The following DLGAP1 variants were observed in gnomAD, a reference collection of about 807,000 sequenced individuals.
DLGAP1 encodes disks large-associated protein 1.
Under a neutral mutation model 90.8 loss-of-function variants are expected in DLGAP1, and 11 were observed. That is an observed-to-expected ratio of 0.12 (90% CI 0.08 to 0.20). DLGAP1 has a LOEUF of 0.20. DLGAP1 is among the 10% of genes least tolerant of loss of function. DLGAP1 has a pLI of 1.00. For missense variants in DLGAP1, 1,050 were observed against 1,333.8 expected (o/e 0.79, Z 3.31); for synonymous variants, 558 against 540.7 (o/e 1.03, Z -0.44).
intron 3 of DLGAP1, among the ~76,000 whole-genome samples, chr18:3,980,774 G>A (rs1461620391): frequency 1.3e-5 from 2 of 151,806 alleles, no homozygotes; most frequent in Non-Finnish European, 2.9e-5. Context: ...GTATATATTT[G>A]TGGTATACAA....
intron 7 of DLGAP1, among the ~76,000 whole-genome samples, chr18:3,644,301 C>T (rs955069441): frequency 1.3e-5 from 2 of 152,114 alleles, no homozygotes; most frequent in Non-Finnish European, 2.9e-5. Flanking sequence ...TGTAGCAAAA[C>T]GTAACCTCAT....
At chr18:4,245,103 G>A (rs958433554) in intron 1 of DLGAP1, among the ~76,000 whole-genome samples, 20 of 152,150 alleles carry the variant, frequency 1.3e-4, no homozygotes, top group African/African-American at 2.9e-4. Context: ...GGTCTGCTAC[G>A]TTGTTAGCTG....
intron 2 of DLGAP1, among the ~76,000 whole-genome samples, chr18:4,008,232 C>T (rs1275667940): frequency 1.4e-4 from 21 of 151,524 alleles, no homozygotes; most frequent in Non-Finnish European, 7.4e-5. Context: ...TATATACACA[C>T]ACACACACAC....
At chr18:3,672,209 C>CAA (rs2060112386) in intron 7 of DLGAP1, among the ~76,000 whole-genome samples, 1 of 125,274 alleles carries the variant, frequency 8.0e-6, no homozygotes, top group East Asian at 1.9e-4. Context: ...TAGACACACA[C>CAA]ACACACACAC....
intron 7 of DLGAP1, chr18:3,597,864 T>A (rs2056671066): frequency 6.5e-6 from 1 of 153,920 alleles, no homozygotes; most frequent in Non-Finnish European, 1.4e-5. Context: ...CAGGCCCCCC[T>A]GATCTGTGTA....
At chr18:3,617,449 A>T (rs2057913779) in intron 7 of DLGAP1, among the ~76,000 whole-genome samples, 2 of 152,040 alleles carry the variant, frequency 1.3e-5, no homozygotes, top group South Asian at 2.1e-4. Flanking sequence ...AAATATAAAA[A>T]ATTAGCTGGG....
intron 5 of DLGAP1, among the ~76,000 whole-genome samples, chr18:3,792,126 T>C (rs751344786): frequency 1.5e-3 from 226 of 152,258 alleles, no homozygotes; most frequent in Non-Finnish European, 2.8e-3. Context: ...GCTGGCCCTG[T>C]GTACTCACGG....
rs1265468723 is a variant in DLGAP1 at position 3,565,595 on chromosome 18, G to A, written c.2057+1895C>T. 6.6e-6 allele frequency among the ~76,000 whole-genome samples: 1 copy of A among 152,100 alleles called. No individual in the cohort carries two copies. The highest frequency in any genetic ancestry group is 1.5e-5 in the Non-Finnish European group (1 of 68,008). On this transcript the variant is annotated intron_variant, in intron 9 of 12. Transcript: ENST00000315677. This position sits in a 1 kb window ranked among gnomAD's most constrained non-coding sequence, Gnocchi z 4.0. Reference sequence around the variant, plus strand: ...TCACGCCTGTAATCCCAGCACTTTGGGAAGCCAAGGCGGGTGGATCACAAG... The same window carrying A: ...TCACGCCTGTAATCCCAGCACTTTGAGAAGCCAAGGCGGGTGGATCACAAG...
chr18:3,945,713 C>T (rs2072863312), intron 3 of DLGAP1, among the ~76,000 whole-genome samples: 1 of 152,038 alleles, frequency 6.6e-6, no homozygotes, highest in Non-Finnish European at 1.5e-5. Flanking sequence ...AGCACACCAG[C>T]ATGGCACATG....
chr18:4,243,777 G>A (rs2078594532), intron 1 of DLGAP1, among the ~76,000 whole-genome samples: 1 of 152,086 alleles, frequency 6.6e-6, no homozygotes, highest in East Asian at 1.9e-4. Context: ...TTTCAGTCAG[G>A]TGTGTAGTTC....
intron 1 of DLGAP1, among the ~76,000 whole-genome samples, chr18:4,265,687 T>TCC: frequency 8.3e-6 from 1 of 120,066 alleles, no homozygotes; most frequent in Admixed American, 8.9e-5. Context: ...CTTCCTTCCT[T>TCC]CCTTCCTTCC....
At chr18:4,218,057 T>C (rs2077994622) in intron 1 of DLGAP1, among the ~76,000 whole-genome samples, 1 of 151,912 alleles carries the variant, frequency 6.6e-6, no homozygotes, top group Non-Finnish European at 1.5e-5. Flanking sequence ...AATTTACATG[T>C]CTGTCTACGA....
chr18:4,437,262 A>G (rs1324854574), intron 1 of DLGAP1, among the ~76,000 whole-genome samples: 2 of 152,228 alleles, frequency 1.3e-5, no homozygotes, highest in Non-Finnish European at 2.9e-5. Flanking sequence ...AGCCAAGTGG[A>G]ACACCTGAAT....
intron 7 of DLGAP1, among the ~76,000 whole-genome samples, chr18:3,628,095 C>G (rs573778478): frequency 6.6e-6 from 1 of 151,636 alleles, no homozygotes; most frequent in African/African-American, 2.4e-5. Flanking sequence ...AGGCTGGTCT[C>G]GATCTCCTGA....
intron 2 of DLGAP1, among the ~76,000 whole-genome samples, chr18:4,045,750 A>G (rs2075044061): frequency 1.4e-5 from 2 of 142,836 alleles, no homozygotes; most frequent in South Asian, 4.3e-4. Context: ...TTTTACCACT[A>G]TTTGGCATTC....
chr18:4,391,448 T>C (rs1486439936), intron 1 of DLGAP1, among the ~76,000 whole-genome samples: 2 of 152,172 alleles, frequency 1.3e-5, no homozygotes, highest in African/African-American at 2.4e-5. Context: ...CATCCTCTAG[T>C]GTTCACTCAG....
intron 5 of DLGAP1, among the ~76,000 whole-genome samples, chr18:3,791,046 G>T (rs764935752): frequency 2.0e-5 from 3 of 152,192 alleles, no homozygotes; most frequent in Non-Finnish European, 4.4e-5. Flanking sequence ...GAATCAATTA[G>T]TGCAGGTTCA....
At position 3,580,739 on chromosome 18, in the gene DLGAP1, G is replaced by A. The variant is rs552765466; in HGVS notation, c.1965+1136C>T. The A allele has an allele frequency of 9.2e-4, 1,489 of 1,612,734 alleles. 11 individuals are homozygous for A. In the African/African-American group the frequency reaches 0.018, roughly 19 times the overall value. ...GGCCTCTCAGGACCAGGACAGCCACGCACCATCCCCTCAGGTGTGACCGGA... is the reference window on the plus strand; with the variant it reads ...GGCCTCTCAGGACCAGGACAGCCACACACCATCCCCTCAGGTGTGACCGGA... On this transcript the variant is annotated intron_variant, in intron 8 of 12. Transcript: ENST00000315677.
At chr18:3,764,743 A>G (rs942054325) in intron 5 of DLGAP1, among the ~76,000 whole-genome samples, 1 of 152,204 alleles carries the variant, frequency 6.6e-6, no homozygotes, top group South Asian at 2.1e-4. Context: ...TACATTCCTC[A>G]TGGTTCCTAA....
Sources: gnomAD v4.1 joint callset for allele counts (sites outside exome capture counted in the v4.1 genomes callset) on GRCh38, gnomAD v4.1.1 for gene constraint, Gnocchi (gnomAD v3.1) non-coding constraint, MANE v1.5 for transcripts, NCBI Gene and HGNC (gene_info 2026-07-23, HGNC 2026-07-21) for gene names.